The following HTR4 variants were observed in gnomAD, a reference collection of about 807,000 sequenced individuals.
HTR4 encodes 5-hydroxytryptamine (serotonin) receptor 4, G protein-coupled.
HTR4 carries 16 observed loss-of-function variants against 36.8 expected under a neutral mutation model. That is an observed-to-expected ratio of 0.43 (90% CI 0.29 to 0.66). The LOEUF is 0.66. Among genes scored for constraint, HTR4 ranks in the 30% least tolerant of loss-of-function variants. The pLI is 0.13. For missense variants in HTR4, 438 were observed against 490.9 expected (o/e 0.89, Z 1.02); for synonymous variants, 189 against 185.1 (o/e 1.02, Z -0.17).
chr5:148,560,205 TAAAAAA>T (rs34166829), intron 2 of HTR4, among the ~76,000 whole-genome samples: 47 of 91,430 alleles, frequency 5.1e-4, no homozygotes, highest in African/African-American at 8.8e-4. Flanking sequence ...GCTTTTTTTT[TAAAAAA>T]AAAAAAAAAA....
downstream of HTR4, among the ~76,000 whole-genome samples, chr5:148,479,932 TAAC>T (rs781161923): frequency 6.6e-6 from 1 of 152,190 alleles, no homozygotes. Flanking sequence ...AAACCACAAT[TAAC>T]AATCATATAC....
downstream of HTR4, chr5:148,476,783 C>G (rs367742482): frequency 3.7e-6 from 6 of 1,612,688 alleles, no homozygotes; most frequent in African/African-American, 2.7e-5. Context: ...ATTAATGAAC[C>G]ACACTGAAAA....
chr5:148,574,769 A>G (rs1056300627), intron 2 of HTR4, among the ~76,000 whole-genome samples: 3 of 152,088 alleles, frequency 2.0e-5, no homozygotes, highest in Non-Finnish European at 4.4e-5. Flanking sequence ...TGCTTCTTAC[A>G]TGCTCAGGGA....
intron 2 of HTR4, among the ~76,000 whole-genome samples, chr5:148,563,167 C>G (rs527999138): frequency 1.5e-4 from 23 of 152,312 alleles, no homozygotes; most frequent in African/African-American, 5.1e-4. Context: ...TCACCACTCT[C>G]TCTTTCCCAG....
intron 2 of HTR4, among the ~76,000 whole-genome samples, chr5:148,587,866 G>A (rs1761406209): frequency 6.6e-6 from 1 of 152,192 alleles, no homozygotes; most frequent in Non-Finnish European, 1.5e-5. Flanking sequence ...ATTTAAAAGT[G>A]AGAGTTAGTA....
At chr5:148,500,678 G>T (rs539460824) in intron 6 of HTR4, among the ~76,000 whole-genome samples, 4 of 151,738 alleles carry the variant, frequency 2.6e-5, no homozygotes, top group Non-Finnish European at 4.4e-5. Flanking sequence ...ATACAACAAA[G>T]TTGTCACAAA....
intron 2 of HTR4, chr5:148,628,330 G>A (rs973196187): frequency 1.2e-4 from 19 of 152,130 alleles, no homozygotes; most frequent in African/African-American, 3.6e-4. Context: ...TCTCTGCCTC[G>A]GTTACTTCAT....
chr5:148,573,457 G>A (rs1384238950), intron 2 of HTR4, among the ~76,000 whole-genome samples: 1 of 152,026 alleles, frequency 6.6e-6, no homozygotes, highest in African/African-American at 2.4e-5. Context: ...CATCTCAAAT[G>A]TTCCCATTTT....
chr5:148,496,122 A>C (rs893649789), intron 6 of HTR4, among the ~76,000 whole-genome samples: 4 of 152,138 alleles, frequency 2.6e-5, no homozygotes, highest in African/African-American at 9.7e-5. Flanking sequence ...ATAAGAACCT[A>C]ATAATTCTAA....
At chr5:148,509,310 C>T (rs1431202201) in intron 6 of HTR4, 146 bp downstream of exon 6, 5 of 624,268 alleles carry the variant, frequency 8.0e-6, no homozygotes, top group South Asian at 6.7e-5. Flanking sequence ...TGCTGTATTC[C>T]ATGACCAGAT....
chr5:148,588,394 C>T (rs1761426680), intron 2 of HTR4, among the ~76,000 whole-genome samples: 1 of 152,122 alleles, frequency 6.6e-6, no homozygotes, highest in African/African-American at 2.4e-5. Flanking sequence ...AGGTTAAATT[C>T]TGGGAGGGTC....
intron 5 of HTR4, among the ~76,000 whole-genome samples, chr5:148,460,961 A>G (rs1451910915): frequency 2.0e-5 from 3 of 152,088 alleles, no homozygotes; most frequent in African/African-American, 7.2e-5. Flanking sequence ...AATGACAGCA[A>G]TGAAATAAGG....
intron 6 of HTR4, chr5:148,484,187 G>A: frequency 1.4e-6 from 2 of 1,473,698 alleles, no homozygotes; most frequent in Admixed American, 2.0e-5. Context: ...TTTCAGTTTA[G>A]TGTCATCTGC....
At chr5:148,453,489 A>G (rs1260220113) in intron 5 of HTR4, among the ~76,000 whole-genome samples, 1 of 152,156 alleles carries the variant, frequency 6.6e-6, no homozygotes, top group Non-Finnish European at 1.5e-5. Flanking sequence ...GAGCCCTGTG[A>G]GATATAGTGA....
At chr5:148,649,470 A>G (rs2127319208) in intron 1 of HTR4, among the ~76,000 whole-genome samples, 1 of 152,346 alleles carries the variant, frequency 6.6e-6, no homozygotes, top group East Asian at 1.9e-4. Flanking sequence ...AACTCGATGG[A>G]CAGATAATAT....
chr5:148,481,803 C>T lies in HTR4; in HGVS notation c.*1400G>A, dbSNP rs1755900093. 7.4e-7 allele frequency: 1 copy of T among 1,353,176 alleles called. No individual in the cohort carries two copies. The highest frequency in any genetic ancestry group is 9.4e-7 in the Non-Finnish European group (1 of 1,059,720). 83.8% of individuals were successfully genotyped at this position (1,353,176 alleles called of 1,614,324 possible). A position where few individuals can be genotyped will look rare whatever the true frequency, so the allele number is the denominator to read the frequency against. Reference sequence around the variant, plus strand: ...CCCGGGACTTCTGCTATGGGGCATTCGCAAGAGCCACTGACTCAGCTTTGA... The same window carrying T: ...CCCGGGACTTCTGCTATGGGGCATTTGCAAGAGCCACTGACTCAGCTTTGA... On this transcript the variant is annotated 3_prime_UTR_variant, in exon 7 of 7. Coordinates refer to ENST00000377888, the MANE Select transcript of HTR4 (RefSeq NM_000870.7).
At chr5:148,653,799 A>G (rs1216666011) in intron 1 of HTR4, among the ~76,000 whole-genome samples, 2 of 152,184 alleles carry the variant, frequency 1.3e-5, no homozygotes, top group African/African-American at 4.8e-5. Context: ...GCACACATGC[A>G]GTTTCACAAG....
chr5:148,485,096 C>T (rs1200111975), intron 6 of HTR4, among the ~76,000 whole-genome samples: 1 of 152,064 alleles, frequency 6.6e-6, no homozygotes, highest in Non-Finnish European at 1.5e-5. Context: ...ATAAGAATTT[C>T]TCATCTCTCA....
chr5:148,545,271 T>A (rs1759332177), intron 4 of HTR4, among the ~76,000 whole-genome samples: 1 of 152,230 alleles, frequency 6.6e-6, no homozygotes, highest in African/African-American at 2.4e-5. Flanking sequence ...TGACATACAC[T>A]GTCAGAGAAT....
Sources: gnomAD v4.1 joint callset for allele counts (sites outside exome capture counted in the v4.1 genomes callset) on GRCh38, gnomAD v4.1.1 for gene constraint, MANE v1.5 for transcripts, NCBI Gene and HGNC (gene_info 2026-07-23, HGNC 2026-07-21) for gene names.